The following PRKCA variants were observed in gnomAD, a reference collection of about 807,000 sequenced individuals.
PRKCA encodes protein kinase C alpha.
PRKCA carries 27 observed loss-of-function variants against 87.0 expected under a neutral mutation model. The observed-to-expected ratio is 0.31, with a 90% CI of 0.23 to 0.43. The LOEUF is 0.43. Among genes scored for constraint, PRKCA ranks in the 20% least tolerant of loss-of-function variants. The probability of loss-of-function intolerance (pLI) is 1.00; values close to 1 mark genes in which losing one functional copy is unlikely to be tolerated. For missense variants in PRKCA, 518 were observed against 852.3 expected (o/e 0.61, Z 4.88); for synonymous variants, 329 against 311.1 (o/e 1.06, Z -0.61).
At chr17:66,457,401 A>G (rs1914619782) in intron 2 of PRKCA, among the ~76,000 whole-genome samples, 1 of 152,116 alleles carries the variant, frequency 6.6e-6, no homozygotes, top group Non-Finnish European at 1.5e-5. Flanking sequence ...GCCTTGGTGC[A>G]TCCCTCTCTT....
At chr17:66,796,885 G>GT in intron 16 of PRKCA, 1 of 985,382 alleles carries the variant, frequency 1.0e-6, no homozygotes, top group Non-Finnish European at 1.2e-6. Context: ...TTTGGTCATC[G>GT]TAAGGGGTAG....
chr17:66,423,358 C>T (rs541131301), intron 2 of PRKCA, among the ~76,000 whole-genome samples: 205 of 152,170 alleles, frequency 1.3e-3, no homozygotes, highest in African/African-American at 4.6e-3. Context: ...GTTTATGATC[C>T]CATATTTGGA....
intron 2 of PRKCA, among the ~76,000 whole-genome samples, chr17:66,342,075 A>G (rs546011816): frequency 8.5e-5 from 13 of 152,308 alleles, no homozygotes; most frequent in African/African-American, 2.6e-4. Context: ...CACACCAGCG[A>G]CTAAGTCAGT....
chr17:66,425,522 G>A (rs1175336695), intron 2 of PRKCA, among the ~76,000 whole-genome samples: 1 of 152,050 alleles, frequency 6.6e-6, no homozygotes, highest in Non-Finnish European at 1.5e-5. Context: ...TGTTTTCATT[G>A]TCAAATGTGT....
At chr17:66,358,652 C>T (rs1320241919) in intron 2 of PRKCA, among the ~76,000 whole-genome samples, 1 of 151,964 alleles carries the variant, frequency 6.6e-6, no homozygotes, top group Non-Finnish European at 1.5e-5. Flanking sequence ...GGTCAGCATA[C>T]AAAACATGCG....
chr17:66,624,321 C>T (rs963634327), intron 3 of PRKCA, among the ~76,000 whole-genome samples: 5 of 152,088 alleles, frequency 3.3e-5, no homozygotes, highest in Non-Finnish European at 5.9e-5. Flanking sequence ...ACAGTTTCAT[C>T]TTGGCCAGTT....
chr17:66,624,787 C>CAAACAAATAAAT (rs967892105), intron 3 of PRKCA, among the ~76,000 whole-genome samples: 43 of 143,716 alleles, frequency 3.0e-4, no homozygotes, highest in African/African-American at 8.5e-4. Context: ...GACTCCATCT[C>CAAACAAATAAAT]AAATAAATAA....
At chr17:66,609,792 A>AT (rs144832532) in intron 3 of PRKCA, among the ~76,000 whole-genome samples, 6,132 of 148,922 alleles carry the variant, frequency 0.041, 401 homozygotes, top group African/African-American at 0.14. Flanking sequence ...GCTTTATTTT[A>AT]TTTTTTTTTT....
intron 10 of PRKCA, 50 bp from the exon 11 acceptor site, chr17:66,738,714 C>A (rs772541987): frequency 8.9e-6 from 13 of 1,465,420 alleles, no homozygotes; most frequent in Non-Finnish European, 1.2e-5. Flanking sequence ...GCAAAGGAAG[C>A]CACTTGGCTG....
At chr17:66,314,871 A>ATG (rs1905227223) in intron 2 of PRKCA, among the ~76,000 whole-genome samples, 2 of 114,400 alleles carry the variant, frequency 1.7e-5, no homozygotes, top group African/African-American at 6.1e-5. Context: ...CTAGATATAT[A>ATG]TATATGTGTG....
At chr17:66,612,062 TCTCA>T (rs1970380867) in intron 3 of PRKCA, among the ~76,000 whole-genome samples, 1 of 134,670 alleles carries the variant, frequency 7.4e-6, no homozygotes, top group African/African-American at 2.8e-5. Context: ...TTTACACATA[TCTCA>T]CTTTGTGAGT....
At chr17:66,347,608 A>C (rs1907466160) in intron 2 of PRKCA, among the ~76,000 whole-genome samples, 1 of 152,140 alleles carries the variant, frequency 6.6e-6, no homozygotes, top group Admixed American at 6.6e-5. Flanking sequence ...GGTTCTTCTA[A>C]ATGTTGACAC....
At chr17:66,319,460 G>C (rs886559810) in intron 2 of PRKCA, among the ~76,000 whole-genome samples, 3 of 152,006 alleles carry the variant, frequency 2.0e-5, no homozygotes, top group African/African-American at 7.3e-5. Context: ...ATTAACTTTG[G>C]CTTCTGTTGT....
chr17:66,391,603 GCCAAAA>G (rs1246212377), intron 2 of PRKCA, among the ~76,000 whole-genome samples: 1 of 152,122 alleles, frequency 6.6e-6, no homozygotes, highest in Non-Finnish European at 1.5e-5. Flanking sequence ...TCACTTAGTA[GCCAAAA>G]CCAAAACCAA....
chr17:66,683,351 A>C (rs1441898037), intron 5 of PRKCA, among the ~76,000 whole-genome samples: 1 of 152,246 alleles, frequency 6.6e-6, no homozygotes, highest in Non-Finnish European at 1.5e-5. Flanking sequence ...CAGGGAGCAC[A>C]CTTAGAGAGC....
chr17:66,618,172 T>G (rs993233427), intron 3 of PRKCA, among the ~76,000 whole-genome samples: 2 of 152,034 alleles, frequency 1.3e-5, no homozygotes, highest in African/African-American at 4.8e-5. Context: ...CTGACCAACA[T>G]GGCAAAACCC....
rs540406182 is a variant in PRKCA, at chr17:66,472,993, G to A, written c.206-23208G>A. 1.2e-4 allele frequency among the ~76,000 whole-genome samples: 18 copies of A among 152,170 alleles called. No individual in the cohort carries two copies. In the South Asian group the frequency reaches 2.1e-3, roughly 18 times the overall value. Reference sequence around the variant, plus strand: ...TGGTAGAGAAATTTAGAGCATCATCGTAACTGTAGCACCACCAAAAATAAT... The same window carrying A: ...TGGTAGAGAAATTTAGAGCATCATCATAACTGTAGCACCACCAAAAATAAT... On this transcript the variant is annotated intron_variant, in intron 2 of 16. Coordinates refer to ENST00000413366, the MANE Select transcript of PRKCA (RefSeq NM_002737.3).
chr17:66,612,956 C>T lies in PRKCA; in HGVS notation c.289-28399C>T, dbSNP rs55931797. ...ATGTTTATTCATTTGATATTCTCAA[C>T]ATAAGTATTCTAAACTTGATTATGT... On this transcript the variant is annotated intron_variant, in intron 3 of 16. Coordinates refer to ENST00000413366, the MANE Select transcript of PRKCA (RefSeq NM_002737.3). Among the ~76,000 whole-genome samples the T allele has an allele frequency of 7.8e-3, 1,180 of 152,198 alleles. 15 individuals are homozygous for T. The highest frequency in any genetic ancestry group is 0.026 in the African/African-American group (1,098 of 41,516).
At chr17:66,377,487 ATATACATG>A (rs1454024069) in intron 2 of PRKCA, among the ~76,000 whole-genome samples, 3 of 149,776 alleles carry the variant, frequency 2.0e-5, no homozygotes, top group African/African-American at 4.9e-5. Flanking sequence ...ACGTGTATAT[ATATACATG>A]TATACATGTA....
Sources: allele counts gnomAD v4.1 joint callset (sites outside exome capture counted in the v4.1 genomes callset), GRCh38; gene constraint gnomAD v4.1.1; transcripts MANE v1.5; gene names NCBI Gene and HGNC (gene_info 2026-07-23, HGNC 2026-07-21).